Variants in C3orf18 observed in about 807,000 individuals in gnomAD.
The protein encoded by C3orf18 is chromosome 3 open reading frame 18, also known as uncharacterized protein C3orf18.
A neutral mutation model predicts 14.1 loss-of-function variants in C3orf18; 12 were observed. That is an observed-to-expected ratio of 0.85 (90% CI 0.55 to 1.38). The LOEUF (loss-of-function observed/expected upper bound fraction) is 1.38. Ranked by LOEUF, C3orf18 falls within the 40% of genes most tolerant of loss-of-function variation. The pLI, the probability that C3orf18 is intolerant of heterozygous loss-of-function variation, is 0.00. For missense variants in C3orf18, 196 were observed against 213.9 expected, an observed-to-expected ratio of 0.92 and a Z score of 0.52; for synonymous variants, 82 against 87.9, an observed-to-expected ratio of 0.93 and a Z score of 0.38.
chr3:50,564,445 C>T (rs1015191383), intron 3 of C3orf18, among the ~76,000 whole-genome samples: 2 of 152,190 alleles, frequency 1.3e-5, no homozygotes, highest in African/African-American at 4.8e-5. Context: ...GCTGCCACCT[C>T]CACCCCTTCT....
intron 3 of C3orf18, among the ~76,000 whole-genome samples, chr3:50,564,913 C>T (rs1700197076): frequency 6.6e-6 from 1 of 152,210 alleles, no homozygotes; most frequent in Non-Finnish European, 1.5e-5. Context: ...CAGGACTCTC[C>T]ACTTGGAACT....
Position 50,563,750 on chromosome 3 carries a change from C to T in C3orf18, c.234+1716G>A, listed in dbSNP as rs17051020. Among the ~76,000 whole-genome samples, 1,445 of 152,358 alleles carry T rather than the reference C, an allele frequency of 9.5e-3. 18 individuals are homozygous for T. The highest frequency in any genetic ancestry group is 0.033 in the African/African-American group (1,360 of 41,576). On this transcript the variant is annotated intron_variant, in intron 3 of 5. Coordinates refer to ENST00000357203, the MANE Select transcript of C3orf18 (RefSeq NM_016210.5). ...TCTGCCCTCCGCTGCCTTTGTCCTA[C>T]GAGCTTCCTACCTCTGATTTTGGCA...
At position 50,558,474 on chromosome 3, in the gene C3orf18, T is replaced by G. The variant is rs908899496; in HGVS notation, c.*1183A>C. The G allele has an allele frequency of 1.1e-5, 4 of 354,352 alleles. No individual in the cohort carries two copies. Among genetic ancestry groups the G allele is most frequent in the African/African-American group, 8.6e-5 (4 of 46,652 alleles). The allele number at this position is 354,352 out of a possible 1,614,324, so 22.0% of individuals were successfully genotyped here. On this transcript the variant is annotated 3_prime_UTR_variant, in exon 6 of 6. Coordinates refer to ENST00000357203, the MANE Select transcript of C3orf18 (RefSeq NM_016210.5). ...AGTGCAGGGACCCATCTCCCCACTC[T>G]CTAAACACTGAACGGCTCTTCCCAT... is the stretch of plus-strand genomic sequence containing the variant.
chr3:50,560,852 A>G, intron 5 of C3orf18, 65 bp downstream of exon 5: 2 of 1,501,390 alleles, frequency 1.3e-6, no homozygotes, highest in Non-Finnish European at 1.8e-6. Context: ...ATGAGAAAGG[A>G]GGGAGGGTGA....
At chr3:50,571,466 C>T (rs1700949678), upstream of C3orf18, 5 of 696,468 alleles carry the variant, frequency 7.2e-6, no homozygotes, top group Non-Finnish European at 9.8e-6. Flanking sequence ...GTCTTAGCGC[C>T]TGGCACACAC....
upstream of C3orf18, chr3:50,569,958 A>C (rs1424850971): frequency 6.6e-6 from 1 of 152,178 alleles, no homozygotes; most frequent in African/African-American, 2.4e-5. Flanking sequence ...CTCCTGCCTC[A>C]GCCTCCCAAG....
rs1195651460 is a variant in C3orf18, at chr3:50,558,994, C to A, written c.*663G>T. On this transcript the variant is annotated 3_prime_UTR_variant, in exon 6 of 6. Transcript: ENST00000357203. ...ACTTCCATTCCCCTACTTCCTTCCC[C>A]CTCAGCTCCCATCCTAGCTTGGCCC... 1 of 1,289,592 alleles carries A rather than the reference C, an allele frequency of 7.8e-7. No individual in the cohort carries two copies. The highest frequency in any genetic ancestry group is 1.0e-6 in the Non-Finnish European group (1 of 988,732). The allele number at this position is 1,289,592 out of a possible 1,614,324, so 79.9% of individuals were successfully genotyped here. A position where few individuals can be genotyped will look rare whatever the true frequency, so the allele number is the denominator to read the frequency against.
At chr3:50,572,369 G>C (rs1442206807), upstream of C3orf18, among the ~76,000 whole-genome samples, 1 of 152,182 alleles carries the variant, frequency 6.6e-6, no homozygotes. Context: ...GCAGAGCCCA[G>C]AGGACAGAGG....
At chr3:50,571,945 G>A, upstream of C3orf18, 1 of 1,290,352 alleles carries the variant, frequency 7.7e-7, no homozygotes, top group Non-Finnish European at 1.1e-6. Flanking sequence ...GTGGGGCCGG[G>A]GTACTGAATA....
Position 50,559,490 on chromosome 3 carries a change from G to T in C3orf18, c.*167C>A, listed in dbSNP as rs1699836206. 9 of 1,428,708 alleles carry T rather than the reference G, an allele frequency of 6.3e-6. No homozygotes were observed. The highest frequency in any genetic ancestry group is 8.3e-6 in the Non-Finnish European group (9 of 1,089,346). 88.5% of individuals were successfully genotyped at this position (1,428,708 alleles called of 1,614,324 possible). On this transcript the variant is annotated 3_prime_UTR_variant, in exon 6 of 6. Transcript: ENST00000357203. ...CCAGCCTGGCTAGGGCCCTCTCTTA[G>T]AGTCTAAAGTCAGCAGGTGGGTCTG...
At chr3:50,566,647 A>G (rs879934165) in intron 1 of C3orf18, among the ~76,000 whole-genome samples, 47 of 143,910 alleles carry the variant, frequency 3.3e-4, no homozygotes, top group Non-Finnish European at 4.1e-4. Flanking sequence ...AGAAGACAAG[A>G]AGGAGAGAGA....
intron 5 of C3orf18, 61 bp from the exon 6 acceptor site, chr3:50,559,798 G>T: frequency 9.0e-7 from 1 of 1,108,218 alleles, no homozygotes; most frequent in South Asian, 1.7e-5. Context: ...TCACTGGCCT[G>T]GTCACCTCCA....
upstream of C3orf18, chr3:50,571,828 G>A (rs1452910067): frequency 1.3e-6 from 2 of 1,594,750 alleles, no homozygotes; most frequent in South Asian, 1.1e-5. Flanking sequence ...CAGACCTGAA[G>A]GATGTGTTCA....
At position 50,565,729 on chromosome 3, in the gene C3orf18, G is replaced by A; in HGVS notation, c.-30C>T. 6.5e-7 allele frequency: 1 copy of A among 1,535,872 alleles called. No homozygotes were observed. The highest frequency in any genetic ancestry group is 8.9e-7 in the Non-Finnish European group (1 of 1,125,084). ...ATGCGGAGAGGGCCCTGGCTGAGAG[G>A]CTGCCTGATGCCAGTCAACCTGCCC... On this transcript the variant is annotated 5_prime_UTR_variant, in exon 3 of 6. Transcript: ENST00000357203. The surrounding 1 kb of genome is among the most constrained non-coding windows in gnomAD (Gnocchi z 4.4).
At chr3:50,564,766 T>C (rs1179757233) in intron 3 of C3orf18, among the ~76,000 whole-genome samples, 2 of 152,140 alleles carry the variant, frequency 1.3e-5, no homozygotes, top group Admixed American at 6.5e-5. Flanking sequence ...ACAGATCATC[T>C]TACCCAGACT....
upstream of C3orf18, chr3:50,572,129 A>G (rs763999127): frequency 6.2e-7 from 1 of 1,613,916 alleles, no homozygotes; most frequent in Admixed American, 1.7e-5. Context: ...CCGGTGCAGT[A>G]CATCCTTGGA....
At chr3:50,570,984 G>A (rs1001518557), upstream of C3orf18, 7 of 696,546 alleles carry the variant, frequency 1.0e-5, no homozygotes, top group Admixed American at 3.1e-5. Flanking sequence ...ACCAGAGCTT[G>A]TGACCTCTCC....
chr3:50,568,202 G>T (rs1286708463), upstream of C3orf18, among the ~76,000 whole-genome samples: 1 of 152,174 alleles, frequency 6.6e-6, no homozygotes, highest in Non-Finnish European at 1.5e-5. Flanking sequence ...TTCGTCTACA[G>T]AAGTTGAGAG....
rs1186175440 is a variant in C3orf18, at chr3:50,567,603, G to A, written c.-392C>T. The A allele has an allele frequency of 6.6e-6, 1 of 152,282 alleles. No individual in the cohort carries two copies. Among genetic ancestry groups the A allele is most frequent in the African/African-American group, 2.4e-5 (1 of 41,474 alleles). 9.4% of individuals were successfully genotyped at this position (152,282 alleles called of 1,614,324 possible). ...GAGATCCGCCCTCCCTGCAAGCCCC[G>A]AGCCGCTGGCCAGGCCCGCTACTGC... On this transcript the variant is annotated 5_prime_UTR_variant, in exon 1 of 6. Transcript: ENST00000357203.
Sources: gnomAD v4.1 joint callset for allele counts (sites outside exome capture counted in the v4.1 genomes callset) on GRCh38, gnomAD v4.1.1 for gene constraint, Gnocchi (gnomAD v3.1) non-coding constraint, MANE v1.5 for transcripts, NCBI Gene and HGNC (gene_info 2026-07-23, HGNC 2026-07-21) for gene names.